NWD1: variants seen among roughly 807,000 people sequenced by gnomAD.
NWD1 encodes the protein NACHT and WD repeat domain containing 1.
NWD1 carries 129 observed loss-of-function variants against 135.1 expected under a neutral mutation model. The ratio of observed to expected loss-of-function variants is 0.96; its 90% confidence interval spans 0.83 to 1.11. NWD1 has a LOEUF of 1.11. Ranked by LOEUF, NWD1 falls within the 50% of genes least tolerant of loss-of-function variation. The pLI is 0.00. For missense variants in NWD1, 1,740 were observed against 1,851.3 expected (o/e 0.94, Z 1.10); for synonymous variants, 773 against 786.0 (o/e 0.98, Z 0.28).
At chr19:16,788,282 A>G (rs1970124091) in intron 12 of NWD1, among the ~76,000 whole-genome samples, 1 of 133,516 alleles carries the variant, frequency 7.5e-6, no homozygotes, top group African/African-American at 2.9e-5. Flanking sequence ...AATAATAATA[A>G]TAAAAGGCCA....
chr19:16,742,356 C>G (rs1379525063), intron 4 of NWD1, among the ~76,000 whole-genome samples: 1 of 152,110 alleles, frequency 6.6e-6, no homozygotes, highest in African/African-American at 2.4e-5. Flanking sequence ...GCCTGGGCGA[C>G]AGAGGGAGAT....
chr19:16,720,534 C>T (rs1967097231), intron 1 of NWD1, among the ~76,000 whole-genome samples: 2 of 151,962 alleles, frequency 1.3e-5, no homozygotes, highest in African/African-American at 4.8e-5. Flanking sequence ...ATTCTGCCCC[C>T]TAGGGGACAT....
At chr19:16,736,507 A>G (rs1237052634) in intron 3 of NWD1, 127 bp from the exon 4 acceptor site, 1 of 648,758 alleles carries the variant, frequency 1.5e-6, no homozygotes, top group African/African-American at 1.8e-5. Flanking sequence ...TTTAATCCAG[A>G]CATCCCCCTA....
chr19:16,772,703 C>T (rs544188833), intron 10 of NWD1, among the ~76,000 whole-genome samples: 12 of 152,076 alleles, frequency 7.9e-5, no homozygotes, highest in Non-Finnish European at 1.0e-4. Context: ...AGTGTGGTGG[C>T]GCATGCCTGT....
chr19:16,802,116 T>G (rs1369877115), intron 17 of NWD1, among the ~76,000 whole-genome samples: 1 of 151,756 alleles, frequency 6.6e-6, no homozygotes, highest in African/African-American at 2.4e-5. Context: ...AAACCCCATC[T>G]CTACTAAAAA....
intron 2 of NWD1, among the ~76,000 whole-genome samples, chr19:16,725,269 G>T (rs141265775): frequency 0.013 from 1,984 of 151,992 alleles, 24 homozygotes; most frequent in Non-Finnish European, 0.018. Context: ...CTCCCAAAGT[G>T]CTGGGATTAT....
At chr19:16,780,916 T>G (rs1412425584) in intron 12 of NWD1, among the ~76,000 whole-genome samples, 1 of 151,964 alleles carries the variant, frequency 6.6e-6, no homozygotes, top group East Asian at 1.9e-4. Flanking sequence ...GCCTTGTCCT[T>G]CCAAAGTGCT....
intron 1 of NWD1, among the ~76,000 whole-genome samples, chr19:16,722,994 G>A (rs182065510): frequency 1.6e-3 from 241 of 152,164 alleles, no homozygotes; most frequent in Non-Finnish European, 2.4e-3. Context: ...GGGAGGGGAC[G>A]ACTGAAATCT....
chr19:16,754,937 C>G (rs1325988038), intron 6 of NWD1, among the ~76,000 whole-genome samples: 1 of 152,130 alleles, frequency 6.6e-6, no homozygotes, highest in African/African-American at 2.4e-5. Context: ...CTATATATTT[C>G]TCTATGTCCC....
At chr19:16,756,109 T>C (rs1216200985) in intron 6 of NWD1, among the ~76,000 whole-genome samples, 1 of 152,082 alleles carries the variant, frequency 6.6e-6, no homozygotes, top group Non-Finnish European at 1.5e-5. Context: ...AAAGGGGGGC[T>C]GGGCATGGTG....
At chr19:16,788,643 T>A (rs1970138440) in intron 12 of NWD1, among the ~76,000 whole-genome samples, 1 of 151,200 alleles carries the variant, frequency 6.6e-6, no homozygotes, top group Non-Finnish European at 1.5e-5. Flanking sequence ...ATAATGAGGG[T>A]GTGGCTGGAC....
At chr19:16,762,239 A>G in intron 8 of NWD1, 101 bp downstream of exon 8, 1 of 1,008,656 alleles carries the variant, frequency 9.9e-7, no homozygotes, top group Admixed American at 2.3e-5. Context: ...TGTCCTCCCG[A>G]CCTACTTCTC....
chr19:16,799,931 G>A lies in NWD1; in HGVS notation c.3505G>A (p.Gly1169Ser), dbSNP rs757882385. 7 of 1,613,752 alleles carry A rather than the reference G, an allele frequency of 4.3e-6. No homozygotes were observed. The South Asian group carries it at 7.7e-5, about 18-fold the overall frequency. ...GGGGACCCTTCTGGACATCCTGGAAGGCGTCGGGGCCCCCGTGAGCCTGCT... is the reference window on the plus strand; with the variant it reads ...GGGGACCCTTCTGGACATCCTGGAAAGCGTCGGGGCCCCCGTGAGCCTGCT... ...EQGTLLDILE[G>S]VGAPVSLLAR... Residue 1169 changes from glycine (G) to serine (S), a missense_variant, in exon 17 of 19, where the codon GGC becomes AGC. Physicochemically the swap from Gly to Ser is moderately conservative, Grantham distance 56. Transcript: ENST00000524140.
chr19:16,754,160 A>G (rs982038058), intron 6 of NWD1, among the ~76,000 whole-genome samples: 3 of 147,618 alleles, frequency 2.0e-5, no homozygotes, highest in Non-Finnish European at 3.0e-5. Context: ...CATCATCTCT[A>G]TCTTCCATCC....
intron 6 of NWD1, among the ~76,000 whole-genome samples, chr19:16,754,381 C>A: frequency 6.6e-6 from 1 of 151,446 alleles, no homozygotes; most frequent in South Asian, 2.1e-4. Flanking sequence ...TCCATCCACC[C>A]ATCATCTCTA....
intron 4 of NWD1, among the ~76,000 whole-genome samples, chr19:16,743,423 G>C (rs1759013446): frequency 6.6e-6 from 1 of 151,080 alleles, no homozygotes; most frequent in Non-Finnish European, 1.5e-5. Flanking sequence ...TGCCCAGCTA[G>C]TCTCTAACTC....
rs1315370280 is a variant in NWD1, at chr19:16,750,362, C to T, written c.1720C>T (p.His574Tyr). Residue 574 changes from histidine (H) to tyrosine (Y), a missense_variant, in exon 6 of 19, where the codon CAC becomes TAC. Physicochemically the swap from His to Tyr is moderately conservative, Grantham distance 83 (BLOSUM62 2). Coordinates refer to ENST00000524140, the MANE Select transcript of NWD1 (RefSeq NM_001007525.5). ...HQLCTRLEQTHGQLLVAHVLG... is the reference protein window; with the variant it reads ...HQLCTRLEQTYGQLLVAHVLG... ...ACTCTGCACCCGCCTGGAGCAGACA[C>T]ACGGGCAGCTCCTCGTGGCCCACGT... 3 of 1,607,146 alleles carry T rather than the reference C, an allele frequency of 1.9e-6. No homozygotes were observed. The South Asian group carries it at 3.3e-5, about 18-fold the overall frequency.
chr19:16,749,298 A>G lies in NWD1; in HGVS notation c.656A>G (p.Asp219Gly), dbSNP rs1223514448. ...DRLADGCLDA[D>G]AQNLLSSLKS... ...CTCGCGGATGGCTGCCTGGACGCTG[A>G]TGCCCAGAACCTTCTCAGCAGCCTC... The change falls in exon 6 of 19, where the codon GAT (aspartate) becomes GGT (glycine). Residue 219 changes from aspartate (D) to glycine (G), a missense_variant. By Grantham distance (94) the Asp-to-Gly change is moderately conservative (BLOSUM62 -1). Transcript: ENST00000524140. 1.9e-6 allele frequency: 3 copies of G among 1,613,966 alleles called. No individual in the cohort carries two copies. The highest frequency in any genetic ancestry group is 2.5e-6 in the Non-Finnish European group (3 of 1,179,994).
chr19:16,800,177 A>G lies in NWD1; in HGVS notation c.3736+15A>G, dbSNP rs759384631. ...CTTGGCAGAAGGTTGGTAAGGTATAAGTATGGTCATTTTTGTGGGTAAGGC... is the reference window on the plus strand; with the variant it reads ...CTTGGCAGAAGGTTGGTAAGGTATAGGTATGGTCATTTTTGTGGGTAAGGC... On this transcript the variant is annotated intron_variant, in intron 17 of 18. Coordinates refer to ENST00000524140, the MANE Select transcript of NWD1 (RefSeq NM_001007525.5). 6.3e-7 allele frequency: 1 copy of G among 1,586,934 alleles called. No homozygotes were observed. Among genetic ancestry groups the G allele is most frequent in the African/African-American group, 1.3e-5 (1 of 74,148 alleles).
Sources: gnomAD v4.1 joint callset for allele counts (sites outside exome capture counted in the v4.1 genomes callset) on GRCh38, gnomAD v4.1.1 for gene constraint, MANE v1.5 for transcripts, NCBI Gene and HGNC (gene_info 2026-07-23, HGNC 2026-07-21) for gene names.